Variants in FAM13C observed in about 807,000 individuals in gnomAD.
FAM13C encodes family with sequence similarity 13 member C, also known as protein FAM13C.
FAM13C carries 37 observed loss-of-function variants against 73.2 expected under a neutral mutation model. The ratio of observed to expected loss-of-function variants is 0.51; its 90% CI spans 0.39 to 0.67. FAM13C has a LOEUF of 0.67. FAM13C is among the 30% of genes least tolerant of loss of function. The pLI is 0.00. For missense variants in FAM13C, 589 were observed against 715.6 expected, an observed-to-expected ratio of 0.82 and a Z score of 2.02; for synonymous variants, 246 against 260.9, an observed-to-expected ratio of 0.94 and a Z score of 0.55.
intron 6 of FAM13C, among the ~76,000 whole-genome samples, chr10:59,279,092 C>G (rs1589434047): frequency 6.6e-6 from 1 of 152,206 alleles, no homozygotes; most frequent in Non-Finnish European, 1.5e-5. Flanking sequence ...CATGTCACCC[C>G]TGGAGTGGCA....
At chr10:59,341,370 C>A (rs959984852) in intron 3 of FAM13C, among the ~76,000 whole-genome samples, 18 of 152,140 alleles carry the variant, frequency 1.2e-4, no homozygotes, top group Admixed American at 9.2e-4. Context: ...ACAAAAGAGG[C>A]AGTGCTGAAC....
At chr10:59,343,713 T>C (rs1032163748) in intron 3 of FAM13C, among the ~76,000 whole-genome samples, 3 of 152,204 alleles carry the variant, frequency 2.0e-5, no homozygotes, top group Non-Finnish European at 1.5e-5. Context: ...AGACTACAAC[T>C]GTTTCATTTA....
intron 5 of FAM13C, chr10:59,283,739 C>T (rs1845210215): frequency 3.6e-6 from 2 of 558,680 alleles, no homozygotes; most frequent in Non-Finnish European, 6.4e-6. Context: ...ATCTGTGACA[C>T]ATGGGACTGG....
chr10:59,349,094 C>CT (rs1854692184), intron 3 of FAM13C, among the ~76,000 whole-genome samples: 1 of 152,130 alleles, frequency 6.6e-6, no homozygotes, highest in Admixed American at 6.5e-5. Flanking sequence ...ATTTTACTGT[C>CT]TTTTTTTGCA....
chr10:59,337,414 T>C (rs1208118712), intron 3 of FAM13C, among the ~76,000 whole-genome samples: 1 of 152,202 alleles, frequency 6.6e-6, no homozygotes, highest in African/African-American at 2.4e-5. Context: ...TGCCTGGGCA[T>C]GTGCACTAGA....
At chr10:59,281,460 T>A (rs536660308) in intron 6 of FAM13C, among the ~76,000 whole-genome samples, 32 of 152,280 alleles carry the variant, frequency 2.1e-4, no homozygotes, top group South Asian at 1.0e-3. Context: ...CCTGGAAACA[T>A]CAGTTTTCTA....
intron 7 of FAM13C, 22 bp from the exon 8 acceptor site, chr10:59,268,713 A>G (rs1452990449): frequency 1.9e-6 from 3 of 1,606,144 alleles, no homozygotes; most frequent in African/African-American, 2.7e-5. Context: ...ACAAGGAGGA[A>G]GGAGTATCAA....
At chr10:59,309,661 C>T (rs942860894) in intron 4 of FAM13C, among the ~76,000 whole-genome samples, 3 of 152,218 alleles carry the variant, frequency 2.0e-5, no homozygotes, top group African/African-American at 4.8e-5. Context: ...TATATGTTCT[C>T]ACTGTATTCT....
chr10:59,355,977 C>T (rs747412735), intron 1 of FAM13C, 34 bp from the exon 2 acceptor site: 2 of 1,595,768 alleles, frequency 1.3e-6, no homozygotes, highest in Non-Finnish European at 1.7e-6. Context: ...ACATCAGATC[C>T]AATTGTCTGC....
chr10:59,271,292 G>C (rs1843691005), intron 6 of FAM13C, among the ~76,000 whole-genome samples: 1 of 152,230 alleles, frequency 6.6e-6, no homozygotes, highest in Admixed American at 6.5e-5. Flanking sequence ...GGTACCAGAT[G>C]AATCTTAATC....
intron 10 of FAM13C, among the ~76,000 whole-genome samples, chr10:59,261,380 T>A (rs757516683): frequency 1.4e-4 from 22 of 152,174 alleles, no homozygotes; most frequent in Non-Finnish European, 2.9e-4. Flanking sequence ...GGGGCATATG[T>A]TGAGCCTTTT....
chr10:59,283,496 C>T (rs770002191), intron 5 of FAM13C, 49 bp from the exon 6 acceptor site: 2 of 1,584,262 alleles, frequency 1.3e-6, no homozygotes, highest in Non-Finnish European at 1.7e-6. Context: ...GGGCTTGCAG[C>T]TTCAGCAAGG....
At chr10:59,291,113 C>T (rs1419702266) in intron 5 of FAM13C, among the ~76,000 whole-genome samples, 7 of 152,118 alleles carry the variant, frequency 4.6e-5, no homozygotes, top group African/African-American at 2.4e-5. Context: ...TCTACTTGCC[C>T]CAGGGCCAGA....
intron 3 of FAM13C, among the ~76,000 whole-genome samples, chr10:59,344,985 T>G (rs970836574): frequency 6.6e-6 from 1 of 152,168 alleles, no homozygotes; most frequent in Admixed American, 6.6e-5. Context: ...TGAATTTATA[T>G]GGCCATATAA....
chr10:59,292,462 C>T (rs1348931428), intron 5 of FAM13C, among the ~76,000 whole-genome samples: 2 of 152,254 alleles, frequency 1.3e-5, no homozygotes, highest in Non-Finnish European at 2.9e-5. Context: ...CTGGCTCATT[C>T]TGTGTCACAG....
intron 1 of FAM13C, among the ~76,000 whole-genome samples, chr10:59,361,429 T>C (rs1278161871): frequency 6.6e-6 from 1 of 152,098 alleles, no homozygotes; most frequent in African/African-American, 2.4e-5. Flanking sequence ...AGCAAACAGC[T>C]CCCCAGTTAG....
intron 6 of FAM13C, among the ~76,000 whole-genome samples, chr10:59,272,578 TTTC>T (rs1843834509): frequency 6.6e-6 from 1 of 152,198 alleles, no homozygotes; most frequent in African/African-American, 2.4e-5. Flanking sequence ...GGCACATTAC[TTTC>T]TATCCCCAAG....
intron 3 of FAM13C, among the ~76,000 whole-genome samples, chr10:59,345,626 A>T (rs1854197190): frequency 6.6e-6 from 1 of 152,218 alleles, no homozygotes; most frequent in African/African-American, 2.4e-5. Flanking sequence ...TCAGAATCTG[A>T]TAGACCACAG....
At chr10:59,296,252 GCA>G (rs1236339843) in intron 5 of FAM13C, among the ~76,000 whole-genome samples, 1 of 152,188 alleles carries the variant, frequency 6.6e-6, no homozygotes, top group African/African-American at 2.4e-5. Context: ...AACTGTGGAT[GCA>G]ATAAAAACAC....
Sources: allele counts gnomAD v4.1 joint callset (sites outside exome capture counted in the v4.1 genomes callset), GRCh38; gene constraint gnomAD v4.1.1; transcripts MANE v1.5; gene names NCBI Gene and HGNC (gene_info 2026-07-23, HGNC 2026-07-21).